Variants in SPRY3 observed in about 807,000 individuals in gnomAD.
SPRY3 encodes the protein sprouty RTK signaling antagonist 3, also known as protein sprouty homolog 3.
SPRY3 carries 15 observed loss-of-function variants against 20.2 expected under a neutral mutation model. The ratio of observed to expected loss-of-function variants is 0.74; its 90% confidence interval spans 0.50 to 1.14. SPRY3 has a LOEUF of 1.14. SPRY3 is among the 50% of genes most tolerant of loss of function. The pLI is 0.00. For missense variants in SPRY3, 364 were observed against 363.9 expected, an observed-to-expected ratio of 1.00 and a Z score of 0.00; for synonymous variants, 143 against 136.5, an observed-to-expected ratio of 1.05 and a Z score of -0.33.
intron 2 of SPRY3, among the ~76,000 whole-genome samples, chrX:155,709,895 C>T (rs1250271459): frequency 2.0e-5 from 3 of 151,744 alleles, no homozygotes; most frequent in Admixed American, 6.6e-5. Context: ...CCACTATTCC[C>T]CTCAGCATTT....
At chrX:155,741,134 T>G (rs2091202775) in intron 2 of SPRY3, among the ~76,000 whole-genome samples, 1 of 152,026 alleles carries the variant, frequency 6.6e-6, no homozygotes, top group Admixed American at 6.6e-5. Flanking sequence ...ATAACCAGGA[T>G]AGCCAGTTAA....
chrX:155,686,575 G>A (rs1036890155), intron 2 of SPRY3, among the ~76,000 whole-genome samples: 9 of 111,365 alleles, frequency 8.1e-5, no homozygotes, highest in Admixed American at 6.7e-4. Context: ...GTAACATCAT[G>A]AGTTCAACAG....
At chrX:155,767,676 GGAGAAAGAGGCGGAGGAGGAGGA>G (rs1476041506) in intron 2 of SPRY3, 2 of 148,016 alleles carry the variant, frequency 1.4e-5, no homozygotes, top group Non-Finnish European at 2.9e-5. Flanking sequence ...AGAAGGGGGA[GGAGAAAGAGGCGGAGGAGGAGGA>G]GAAAGAAGAG....
intron 2 of SPRY3, among the ~76,000 whole-genome samples, chrX:155,695,265 AT>A (rs2068115165): frequency 9.0e-6 from 1 of 110,832 alleles, no homozygotes; most frequent in Non-Finnish European, 1.9e-5. Flanking sequence ...TAGATTGATC[AT>A]TTTTTCTTTC....
At chrX:155,770,412 ATTTT>A (rs1328248085) in intron 3 of SPRY3, among the ~76,000 whole-genome samples, 1 of 152,078 alleles carries the variant, frequency 6.6e-6, no homozygotes, top group Non-Finnish European at 1.5e-5. Flanking sequence ...AAGAAAAGAA[ATTTT>A]TTTCAGGTTG....
intron 2 of SPRY3, among the ~76,000 whole-genome samples, chrX:155,760,238 T>C (rs2091298879): frequency 6.6e-6 from 1 of 152,172 alleles, no homozygotes; most frequent in Non-Finnish European, 1.5e-5. Context: ...ACAAAGACTT[T>C]ATTGTCCCTA....
rs188588419 is a variant in SPRY3 at position 155,638,219 on chromosome X, C to T, written c.-440-18648C>T. Among the ~76,000 whole-genome samples, 488 of 96,949 alleles carry T rather than the reference C, an allele frequency of 5.0e-3. 1 individual carries two copies. The highest frequency in any genetic ancestry group is 8.0e-3 in the Non-Finnish European group (393 of 49,356). The allele number at this position is 96,949 out of a possible 115,157, so 84.2% of individuals were successfully genotyped here. A position where few individuals can be genotyped will look rare whatever the true frequency, so the allele number is the denominator to read the frequency against. ...CTTGTGATCCTAACATGTTGGGAAG[C>T]CGAGGCGGGAGGATTGCTTGAGCCC... On this transcript the variant is annotated intron_variant, in intron 1 of 3. Coordinates refer to ENST00000675360, the Ensembl canonical transcript of SPRY3.
At chrX:155,721,629 G>A (rs1393494081) in intron 2 of SPRY3, among the ~76,000 whole-genome samples, 2 of 151,976 alleles carry the variant, frequency 1.3e-5, no homozygotes, top group African/African-American at 4.8e-5. Flanking sequence ...AAGCTTACAG[G>A]TTAGGAGAGA....
At chrX:155,761,194 A>T (rs2091302670) in intron 2 of SPRY3, among the ~76,000 whole-genome samples, 1 of 152,064 alleles carries the variant, frequency 6.6e-6, no homozygotes, top group Non-Finnish European at 1.5e-5. Flanking sequence ...ACTTTAAATT[A>T]CCTATCCTAA....
At chrX:155,734,506 T>A (rs2091155096) in intron 2 of SPRY3, among the ~76,000 whole-genome samples, 1 of 152,074 alleles carries the variant, frequency 6.6e-6, no homozygotes, top group South Asian at 2.1e-4. Context: ...TGATTATAGA[T>A]CACCATAACA....
chrX:155,721,046 CAG>C (rs1413710760), intron 2 of SPRY3, among the ~76,000 whole-genome samples: 1 of 151,998 alleles, frequency 6.6e-6, no homozygotes, highest in East Asian at 1.9e-4. Flanking sequence ...TGAGATAACA[CAG>C]AGAAGGAATT....
intron 1 of SPRY3, among the ~76,000 whole-genome samples, chrX:155,649,552 T>G (rs1367777637): frequency 9.0e-6 from 1 of 111,328 alleles, no homozygotes; most frequent in African/African-American, 3.3e-5. Flanking sequence ...AGAAAAAGCC[T>G]TCAATAAAAT....
chrX:155,635,237 T>C (rs5940550), intron 1 of SPRY3, among the ~76,000 whole-genome samples: 2,872 of 111,512 alleles, frequency 0.026, 42 homozygotes, highest in South Asian at 0.04. Flanking sequence ...TATGGCTGCA[T>C]AGTATTCCAT....
In SPRY3 at chrX:155,651,212, C is replaced by T. The variant is rs782788367; in HGVS notation, c.-440-5655C>T. ...TGCCTCAGCCTCCTGGGATTACAGG[C>T]ATACACTACCACACCCGGCTAATTT... On this transcript the variant is annotated intron_variant, in intron 1 of 3. Transcript: ENST00000675360. Among the ~76,000 whole-genome samples the T allele has an allele frequency of 4.5e-5, 5 of 110,035 alleles. No individual in the cohort carries two copies. The East Asian group carries it at 8.6e-4, about 19-fold the overall frequency.
chrX:155,776,948 A>C (rs182171259), downstream of SPRY3: 5 of 167,160 alleles, frequency 3.0e-5, no homozygotes, highest in African/African-American at 1.2e-4. Context: ...GATGATTATT[A>C]ATAATGTTAA....
chrX:155,626,805 AC>A (rs2067889718), intron 1 of SPRY3, among the ~76,000 whole-genome samples: 1 of 111,620 alleles, frequency 9.0e-6, no homozygotes, highest in African/African-American at 3.3e-5. Flanking sequence ...GCCAAAAATT[AC>A]CACGTAAGTA....
chrX:155,695,169 C>G (rs900186131), intron 2 of SPRY3, among the ~76,000 whole-genome samples: 12 of 111,780 alleles, frequency 1.1e-4, no homozygotes, highest in African/African-American at 3.6e-4. Flanking sequence ...CAGGTTTGCT[C>G]TGCATGAATT....
chrX:155,650,582 A>G (rs782782566), intron 1 of SPRY3, among the ~76,000 whole-genome samples: 13 of 112,117 alleles, frequency 1.2e-4, no homozygotes, highest in Non-Finnish European at 1.9e-4. Flanking sequence ...ATATATGTCA[A>G]TTAGATCAAG....
chrX:155,705,115 T>A (rs2090941158), intron 2 of SPRY3, among the ~76,000 whole-genome samples: 1 of 151,446 alleles, frequency 6.6e-6, no homozygotes, highest in East Asian at 1.9e-4. Context: ...GTTAAATTAT[T>A]TTTCTTATTT....
Sources: gnomAD v4.1 joint callset for allele counts (sites outside exome capture counted in the v4.1 genomes callset) on GRCh38, gnomAD v4.1.1 for gene constraint, MANE v1.5 for transcripts, NCBI Gene and HGNC (gene_info 2026-07-23, HGNC 2026-07-21) for gene names.